TFEB: variants seen among roughly 807,000 people sequenced by gnomAD.
TFEB encodes the protein transcription factor EB.
Under a neutral mutation model 48.0 loss-of-function variants are expected in TFEB, and 12 were observed. That is an observed-to-expected ratio of 0.25 (90% CI 0.16 to 0.40). The LOEUF (loss-of-function observed/expected upper bound fraction) is 0.40. Among genes scored for constraint, TFEB ranks in the 10% least tolerant of loss-of-function variants. TFEB has a pLI of 1.00. For missense variants in TFEB, 509 were observed against 640.3 expected, an observed-to-expected ratio of 0.79 and a Z score of 2.21; for synonymous variants, 244 against 261.4, an observed-to-expected ratio of 0.93 and a Z score of 0.64.
intron 1 of TFEB, among the ~76,000 whole-genome samples, chr6:41,725,792 T>C (rs1771180264): frequency 6.6e-6 from 1 of 152,290 alleles, no homozygotes; most frequent in South Asian, 2.1e-4. Flanking sequence ...GAAAATGCAA[T>C]ACACCAGGAT....
chr6:41,713,702 CT>C (rs1396705292), intron 1 of TFEB, among the ~76,000 whole-genome samples: 3 of 152,168 alleles, frequency 2.0e-5, no homozygotes, highest in African/African-American at 7.2e-5. Context: ...GGGAGGGCCC[CT>C]TTGCATGAAT....
At chr6:41,705,396 T>C (rs998408712) in intron 1 of TFEB, among the ~76,000 whole-genome samples, 6 of 152,104 alleles carry the variant, frequency 3.9e-5, no homozygotes, top group Non-Finnish European at 7.4e-5. Context: ...TATACCACCA[T>C]CCTCCTCACC....
At chr6:41,726,922 C>T (rs77709025) in intron 1 of TFEB, among the ~76,000 whole-genome samples, 1 of 152,196 alleles carries the variant, frequency 6.6e-6, no homozygotes, top group Admixed American at 6.5e-5. Flanking sequence ...AAGTGGATGA[C>T]AACCTATAGT....
At chr6:41,710,973 C>T (rs1165668339) in intron 1 of TFEB, among the ~76,000 whole-genome samples, 1 of 152,228 alleles carries the variant, frequency 6.6e-6, no homozygotes, top group Non-Finnish European at 1.5e-5. Flanking sequence ...AATAAGACAG[C>T]CCTTGCCCTA....
intron 4 of TFEB, among the ~76,000 whole-genome samples, chr6:41,689,329 G>A (rs966679355): frequency 6.6e-6 from 1 of 152,148 alleles, no homozygotes; most frequent in African/African-American, 2.4e-5. Flanking sequence ...TTGGGCCCTG[G>A]GTTTGGTAAA....
At chr6:41,716,032 C>T (rs1044291366) in intron 1 of TFEB, among the ~76,000 whole-genome samples, 5 of 152,234 alleles carry the variant, frequency 3.3e-5, no homozygotes, top group African/African-American at 4.8e-5. Flanking sequence ...ATGTCACATA[C>T]GGAGCTTCTC....
intron 1 of TFEB, chr6:41,733,711 C>T (rs996073399): frequency 1.3e-4 from 133 of 985,420 alleles, no homozygotes; most frequent in Non-Finnish European, 1.6e-4. Context: ...CCTTCCCTTC[C>T]TCTGCCTCTG....
At chr6:41,696,831 C>T (rs1038022836) in intron 1 of TFEB, among the ~76,000 whole-genome samples, 4 of 152,062 alleles carry the variant, frequency 2.6e-5, no homozygotes, top group African/African-American at 9.7e-5. Context: ...ACGAAAGAAC[C>T]AAGGCACAAA....
rs1770949118 is a variant in TFEB, at chr6:41,720,884, C to T, written c.-23+14466G>A. Among the ~76,000 whole-genome samples, 1 of 152,170 alleles carries T rather than the reference C, an allele frequency of 6.6e-6. No homozygotes were observed. On this transcript the variant is annotated intron_variant, in intron 1 of 8. Coordinates refer to ENST00000373033, the MANE Select transcript of TFEB (RefSeq NM_001271944.2). This position sits in a 1 kb window ranked among gnomAD's most constrained non-coding sequence, Gnocchi z 4.1. ...TAAAGTACACAATAAATGTAATGTT[C>T]TTGAATAATCCTGAGACCCCAACCT...
At chr6:41,707,864 C>T (rs954055440) in intron 1 of TFEB, among the ~76,000 whole-genome samples, 2 of 152,178 alleles carry the variant, frequency 1.3e-5, no homozygotes, top group Non-Finnish European at 2.9e-5. Context: ...AAGGCAGCCA[C>T]GTGGCGGCCA....
At chr6:41,686,866 G>A in intron 7 of TFEB, 1 of 575,162 alleles carries the variant, frequency 1.7e-6, no homozygotes, top group Non-Finnish European at 3.1e-6. Context: ...GCTCCTCCAA[G>A]AAGCCTCCCT....
intron 1 of TFEB, among the ~76,000 whole-genome samples, chr6:41,697,427 A>AAAAAAAAAAAAG (rs1769655029): frequency 1.4e-5 from 2 of 145,282 alleles, no homozygotes; most frequent in African/African-American, 5.2e-5. Flanking sequence ...AAAAAAAAAA[A>AAAAAAAAAAAAG]GAATGAGGGC....
In TFEB at chr6:41,724,051, C is replaced by A; in HGVS notation, c.-23+11299G>T. On this transcript the variant is annotated intron_variant, in intron 1 of 8. Transcript: ENST00000373033. The surrounding 1 kb of genome is among the most constrained non-coding windows in gnomAD (Gnocchi z 4.4). ...GGGCCTCCAGACACCCAGGTCGAGGCCGTACTACAGCCCACCTTGAAATGG... is the reference window on the plus strand; with the variant it reads ...GGGCCTCCAGACACCCAGGTCGAGGACGTACTACAGCCCACCTTGAAATGG... 1 of 416,520 alleles carries A rather than the reference C, an allele frequency of 2.4e-6. No individual in the cohort carries two copies. The highest frequency in any genetic ancestry group is 2.7e-5 in the Admixed American group (1 of 36,542). 25.8% of individuals were successfully genotyped at this position (416,520 alleles called of 1,614,324 possible).
At position 41,686,226 on chromosome 6, in the gene TFEB, C is replaced by A. The variant is rs1165467802; in HGVS notation, c.815G>T (p.Trp272Leu). The change falls in exon 8 of 9, where the codon TGG becomes TTG. Residue 272 changes from tryptophan (W) to leucine (L), a missense_variant. By Grantham distance (61) the Trp-to-Leu change is moderately conservative (BLOSUM62 -2). Transcript: ENST00000373033. ...GGCCTTGAGGATGGTGCCCTTGTTCCAGCGCACGTCCCTGCAGCAGCAGGC... is the reference window on the plus strand; with the variant it reads ...GGCCTTGAGGATGGTGCCCTTGTTCAAGCGCACGTCCCTGCAGCAGCAGGC... ...IPKANDLDVRWNKGTILKASV... is the reference protein window; with the variant it reads ...IPKANDLDVRLNKGTILKASV... 1 of 1,614,154 alleles carries A rather than the reference C, an allele frequency of 6.2e-7. No homozygotes were observed. The highest frequency in any genetic ancestry group is 8.5e-7 in the Non-Finnish European group (1 of 1,179,972).
Position 41,687,910 on chromosome 6 carries a change from G to T in TFEB, c.668C>A (p.Thr223Lys). The T allele has an allele frequency of 6.2e-7, 1 of 1,613,734 alleles. No homozygotes were observed. The highest frequency in any genetic ancestry group is 1.1e-5 in the South Asian group (1 of 91,018). Residue 223 changes from threonine (T) to lysine (K), a missense_variant and splice_region_variant, in exon 5 of 9, where the codon ACA becomes AAA. Thr to Lys is a moderately conservative substitution (Grantham distance 78). Coordinates refer to ENST00000373033, the MANE Select transcript of TFEB (RefSeq NM_001271944.2). ...ACAGGGGTAGAGGGAGGCAGTACCT[G>T]TGAGCTCTCGCTTCTGGGTCAGGTC... ...PADLTQKREL[T>K]DAESRALAKE...
At chr6:41,721,105 G>T (rs944446660) in intron 1 of TFEB, among the ~76,000 whole-genome samples, 15 of 151,892 alleles carry the variant, frequency 9.9e-5, no homozygotes, top group Non-Finnish European at 1.9e-4. Flanking sequence ...TCATCACCCA[G>T]GAATCCCTCT....
intron 1 of TFEB, among the ~76,000 whole-genome samples, chr6:41,703,375 A>G (rs910840025): frequency 6.6e-6 from 1 of 152,050 alleles, no homozygotes; most frequent in Non-Finnish European, 1.5e-5. Context: ...CCCCCGCCTC[A>G]GCCCTCCCTG....
intron 1 of TFEB, among the ~76,000 whole-genome samples, chr6:41,707,340 C>T (rs940049284): frequency 6.6e-6 from 1 of 152,198 alleles, no homozygotes; most frequent in Non-Finnish European, 1.5e-5. Flanking sequence ...CAGGCAGACA[C>T]ACTCCTACCC....
chr6:41,684,654 G>A lies in TFEB; in HGVS notation c.1376C>T (p.Ser459Phe). 6.2e-7 allele frequency: 1 copy of A among 1,611,596 alleles called. No homozygotes were observed. ...PLLSTMSPEA[S>F]KASSRRSSFS... is the part of the protein sequence containing the mutation. ...GCTGCTCCGGCGGCTGCTGGCCTTGGAGGCCTCGGGGGACATGGTGGACAG... is the reference window on the plus strand; with the variant it reads ...GCTGCTCCGGCGGCTGCTGGCCTTGAAGGCCTCGGGGGACATGGTGGACAG... Residue 459 changes from serine to phenylalanine, a missense_variant, in exon 9 of 9, where the codon TCC becomes TTC. This residue lies in a region of TFEB where 168 missense variants were observed against 161.0 expected (regional missense o/e 1.04). Transcript: ENST00000373033.
Sources: gnomAD v4.1 joint callset for allele counts (sites outside exome capture counted in the v4.1 genomes callset) on GRCh38, gnomAD v4.1.1 for gene constraint, gnomAD v4.1.1 regional missense constraint, Gnocchi (gnomAD v3.1) non-coding constraint, MANE v1.5 for transcripts, NCBI Gene and HGNC (gene_info 2026-07-23, HGNC 2026-07-21) for gene names.